PLB1: variants seen among roughly 807,000 people sequenced by gnomAD.
PLB1 encodes the protein phospholipase B1, membrane-associated.
In PLB1, 242 loss-of-function variants were observed where a neutral mutation model predicts 227.4. That is an observed-to-expected ratio of 1.06 (90% CI 0.96 to 1.18). The LOEUF is 1.18. Ranked by LOEUF, PLB1 falls within the 50% of genes most tolerant of loss-of-function variation. The pLI is 0.00. For synonymous variants in PLB1, 757 were observed against 682.2 expected (o/e 1.11, Z -1.71); for missense variants, 1,858 against 1,816.3 (o/e 1.02, Z -0.42).
chr2:28,541,262 C>G (rs944363326), intron 12 of PLB1, among the ~76,000 whole-genome samples: 1 of 152,174 alleles, frequency 6.6e-6, no homozygotes. Flanking sequence ...GCTCAAAGCA[C>G]GGTTTCTGTT....
At chr2:28,525,685 G>A (rs924863345) in intron 5 of PLB1, among the ~76,000 whole-genome samples, 4 of 152,266 alleles carry the variant, frequency 2.6e-5, no homozygotes, top group South Asian at 2.1e-4. Context: ...AGATGAGAGC[G>A]GGTTGGAGGA....
intron 9 of PLB1, 134 bp downstream of exon 9, chr2:28,532,328 G>GGATGGATGGATGGATGGATA: frequency 1.9e-6 from 1 of 531,192 alleles, no homozygotes; most frequent in South Asian, 3.1e-5. Flanking sequence ...ATGGATGGAT[G>GGATGGATGGATGGATGGATA]GATGGATGGA....
intron 30 of PLB1, 89 bp from the exon 31 acceptor site, chr2:28,591,609 GTA>G: frequency 7.4e-7 from 1 of 1,348,634 alleles, no homozygotes; most frequent in Non-Finnish European, 1.1e-6. Context: ...CCAGGAATCT[GTA>G]TTTTTCAAAG....
intron 21 of PLB1, among the ~76,000 whole-genome samples, chr2:28,575,970 GTGGGC>G (rs1558804202): frequency 6.6e-6 from 1 of 152,190 alleles, no homozygotes; most frequent in Non-Finnish European, 1.5e-5. Context: ...CCAAGCATAT[GTGGGC>G]TGGTAGTATA....
chr2:28,516,529 T>C (rs767404308), intron 1 of PLB1, among the ~76,000 whole-genome samples: 22 of 152,216 alleles, frequency 1.4e-4, no homozygotes, highest in Non-Finnish European at 2.4e-4. Flanking sequence ...TCTGTGATAA[T>C]GTGCTTGTGC....
chr2:28,632,894 G>A lies in PLB1; in HGVS notation c.4003-50G>A, dbSNP rs763084737. The stretch of plus-strand genomic sequence containing the variant: ...CTGCTGGGAGAGTGAGTGGGGCTCA[G>A]GTAGCAGAGCCCTTTCCCAGGATGA... On this transcript the variant is annotated intron_variant, in intron 55 of 57. Coordinates refer to ENST00000327757, the MANE Select transcript of PLB1 (RefSeq NM_153021.5). The A allele has an allele frequency of 4.2e-6, 6 of 1,416,952 alleles. No homozygotes were observed. In the East Asian group the frequency reaches 1.4e-4, roughly 32 times the overall value. 87.8% of individuals were successfully genotyped at this position (1,416,952 alleles called of 1,614,324 possible).
In PLB1 at chr2:28,582,155, G is replaced by A. The variant is rs780541710; in HGVS notation, c.1632+22G>A. 7.5e-6 allele frequency: 12 copies of A among 1,608,176 alleles called. No individual in the cohort carries two copies. In the East Asian group the frequency reaches 2.2e-4, roughly 30 times the overall value. On this transcript the variant is annotated intron_variant, in intron 24 of 57. Transcript: ENST00000327757. ...TGAGGTACGGAGGCTAGGCCATGAG[G>A]CCTGCATCTTAGACCTCAGACCTAG... is the stretch of plus-strand genomic sequence containing the variant.
chr2:28,527,286 G>A (rs923740278), intron 6 of PLB1, among the ~76,000 whole-genome samples: 17 of 152,194 alleles, frequency 1.1e-4, no homozygotes, highest in Admixed American at 6.5e-5. Context: ...CAGAAAGCAG[G>A]TGTGAGGGCA....
rs184082596 is a variant in PLB1 at position 28,625,313 on chromosome 2, C to T, written c.3579+205C>T. ...GCTGTGGCACCCCTCACCCCAGGGC[C>T]GGCTGCGGGAGGGCAAGGTGGAACA... On this transcript the variant is annotated intron_variant, in intron 50 of 57. Coordinates refer to ENST00000327757, the MANE Select transcript of PLB1 (RefSeq NM_153021.5). 9.9e-4 allele frequency among the ~76,000 whole-genome samples: 151 copies of T among 152,300 alleles called. 1 individual carries two copies. Among genetic ancestry groups the T allele is most frequent in the African/African-American group, 3.5e-3 (147 of 41,572 alleles).
intron 57 of PLB1, among the ~76,000 whole-genome samples, chr2:28,641,961 C>A (rs1323417951): frequency 6.6e-6 from 1 of 152,168 alleles, no homozygotes; most frequent in East Asian, 1.9e-4. Context: ...GCACTCCTGG[C>A]CGGTGGATCC....
intron 17 of PLB1, among the ~76,000 whole-genome samples, chr2:28,557,657 C>T (rs1222251412): frequency 6.6e-6 from 1 of 152,168 alleles, no homozygotes; most frequent in African/African-American, 2.4e-5. Context: ...AAGAGGTCCC[C>T]TCTGTAGAAA....
chr2:28,535,593 A>AG (rs1172873160), intron 9 of PLB1, among the ~76,000 whole-genome samples: 1 of 152,090 alleles, frequency 6.6e-6, no homozygotes, highest in Non-Finnish European at 1.5e-5. Flanking sequence ...AGCACATCTC[A>AG]GGTATAAGCT....
At chr2:28,638,891 T>C (rs112344623) in intron 56 of PLB1, among the ~76,000 whole-genome samples, 18 of 145,680 alleles carry the variant, frequency 1.2e-4, no homozygotes, top group South Asian at 2.2e-4. Flanking sequence ...GGTGAAACCC[T>C]GTCTCTACTG....
At chr2:28,562,912 A>G (rs1676288552) in intron 17 of PLB1, 129 bp from the exon 18 acceptor site, 1 of 830,368 alleles carries the variant, frequency 1.2e-6, no homozygotes, top group Non-Finnish European at 2.0e-6. Context: ...TCTTTTATCC[A>G]AGGTGTCTTG....
chr2:28,626,041 G>T (rs1295042997), intron 50 of PLB1, among the ~76,000 whole-genome samples: 2 of 151,006 alleles, frequency 1.3e-5, no homozygotes, highest in Non-Finnish European at 3.0e-5. Context: ...TGTCACCCAG[G>T]CTGGAGTGCA....
chr2:28,619,486 C>A (rs1332165923), intron 46 of PLB1, among the ~76,000 whole-genome samples: 2 of 146,168 alleles, frequency 1.4e-5, no homozygotes, highest in Admixed American at 1.4e-4. Flanking sequence ...ATATTTGTAT[C>A]ATTTCACATC....
Position 28,617,756 on chromosome 2 carries a change from G to A in PLB1, c.3225G>A (p.Glu1075=). ...ENWGSDFLCT[E]WKASNSVPTS... ...GGGGCAGTGACTTCCTGTGTACAGA[G>A]TGGAAGGCTTCCAATAGTGTTCCAA... The change falls in exon 45 of 58, where the codon GAG becomes GAA. Residue 1075 remains glutamate, a synonymous_variant. Transcript: ENST00000327757. The A allele has an allele frequency of 6.2e-7, 1 of 1,614,200 alleles. No homozygotes were observed. The highest frequency in any genetic ancestry group is 8.5e-7 in the Non-Finnish European group (1 of 1,180,012).
At chr2:28,507,735 G>A (rs1179526770) in intron 1 of PLB1, among the ~76,000 whole-genome samples, 1 of 152,174 alleles carries the variant, frequency 6.6e-6, no homozygotes, top group South Asian at 2.1e-4. Context: ...TTCCTCCCTT[G>A]GGGCACAGGG....
chr2:28,611,005 C>T (rs1337722585), intron 43 of PLB1, among the ~76,000 whole-genome samples: 1 of 152,096 alleles, frequency 6.6e-6, no homozygotes, highest in Non-Finnish European at 1.5e-5. Flanking sequence ...CTGACTCATG[C>T]ATGCACCAAA....
Sources: gnomAD v4.1 joint callset for allele counts (sites outside exome capture counted in the v4.1 genomes callset) on GRCh38, gnomAD v4.1.1 for gene constraint, MANE v1.5 for transcripts, NCBI Gene and HGNC (gene_info 2026-07-23, HGNC 2026-07-21) for gene names.